MEX3D: variants seen among roughly 807,000 people sequenced by gnomAD.
The protein encoded by MEX3D is mex-3 RNA binding family member D.
A neutral mutation model predicts 6.3 loss-of-function variants in MEX3D; 4 were observed. The observed-to-expected ratio is 0.64, with a 90% CI of 0.31 to 1.46. The LOEUF (loss-of-function observed/expected upper bound fraction) is 1.46. Ranked by LOEUF, MEX3D falls within the 40% of genes most tolerant of loss-of-function variation. The pLI, the probability that MEX3D is intolerant of heterozygous loss-of-function variation, is 0.07. For synonymous variants in MEX3D, 626 were observed against 494.1 expected (o/e 1.27, Z -3.54); for missense variants, 1,038 against 994.4 (o/e 1.04, Z -0.59).
chr19:1,567,642 G>C lies in MEX3D; in HGVS notation c.417C>G (p.Pro139=). ...PNASPPPPPP[P]RPSPPDVFAG... The stretch of plus-strand genomic sequence containing the variant: ...CGAACACGTCGGGGGGCGACGGCCG[G>C]GGCGGCGGCGGCGGCGGGGGACTCG... Residue 139 remains proline (P), a synonymous_variant, in exon 1 of 2, where the codon CCC becomes CCG. Coordinates refer to ENST00000402693, the MANE Select transcript of MEX3D (RefSeq NM_203304.4). The surrounding 1 kb of genome is among the most constrained non-coding windows in gnomAD (Gnocchi z 6.5). 1.6e-6 allele frequency: 2 copies of C among 1,232,854 alleles called. No individual in the cohort carries two copies. The highest frequency in any genetic ancestry group is 3.2e-5 in the South Asian group (1 of 31,122). The allele number at this position is 1,232,854 out of a possible 1,614,324, so 76.4% of individuals were successfully genotyped here. A position where few individuals can be genotyped will look rare whatever the true frequency, so the allele number is the denominator to read the frequency against.
chr19:1,555,978 G>A lies in MEX3D; in HGVS notation c.1541C>T (p.Ser514Leu), dbSNP rs944003364. ...GCCGCCGGGCTCGGGCAGCGTGGGC[G>A]AGTGGCGGGGGGTCCCGGCCCCACT... ...RSSGAGTPRH[S>L]PTLPEPGGLR... The change falls in exon 2 of 2, where the codon TCG becomes TTG. Residue 514 changes from serine to leucine, a missense_variant. Around this residue, in one of 5 missense-constraint regions of MEX3D, gnomAD observed 581 missense variants for 516.2 expected, o/e 1.13. Coordinates refer to ENST00000402693, the MANE Select transcript of MEX3D (RefSeq NM_203304.4). 11 of 1,173,164 alleles carry A rather than the reference G, an allele frequency of 9.4e-6. No homozygotes were observed. The Admixed American group carries it at 3.4e-4, about 36-fold the overall frequency. 72.7% of individuals were successfully genotyped at this position (1,173,164 alleles called of 1,614,324 possible). A position where few individuals can be genotyped will look rare whatever the true frequency, so the allele number is the denominator to read the frequency against.
chr19:1,556,149 A>T lies in MEX3D; in HGVS notation c.1370T>A (p.Phe457Tyr), dbSNP rs1330876276. Residue 457 changes from phenylalanine to tyrosine, a missense_variant, in exon 2 of 2, where the codon TTC becomes TAC. Physicochemically the swap from Phe to Tyr is conservative, Grantham distance 22. Transcript: ENST00000402693. The surrounding 1 kb of genome is among the most constrained non-coding windows in gnomAD (Gnocchi z 7.5). ...APDDCDFGFD[F>Y]DFLALDLTVP... ...GGTCAGGTCCAGCGCCAGGAAGTCG[A>T]AGTCGAAGCCGAAGTCGCAGTCGTC... 4 of 1,475,480 alleles carry T rather than the reference A, an allele frequency of 2.7e-6. No individual in the cohort carries two copies. Among genetic ancestry groups the T allele is most frequent in the Non-Finnish European group, 3.6e-6 (4 of 1,113,902 alleles). The allele number at this position is 1,475,480 out of a possible 1,614,324, so 91.4% of individuals were successfully genotyped here.
At chr19:1,563,009 AC>A (rs1410543141) in intron 1 of MEX3D, among the ~76,000 whole-genome samples, 2 of 152,076 alleles carry the variant, frequency 1.3e-5, no homozygotes, top group Non-Finnish European at 2.9e-5. Flanking sequence ...CAAGAGCAAG[AC>A]CCTGTCTCAA....
At position 1,555,814 on chromosome 19, in the gene MEX3D, C is replaced by G; in HGVS notation, c.1705G>C (p.Ala569Pro). ...TCCAGGGGGGCGCAGGCGGCGGCCG[C>G]GGGGCTGCTGGGCAGCGAGGTGGCC... ...STATSLPSSP[A>P]AAACAPLDSG... The change falls in exon 2 of 2, where the codon GCG (alanine) becomes CCG (proline). Residue 569 changes from alanine (A) to proline (P), a missense_variant. This residue lies in a region of MEX3D where 581 missense variants were observed against 516.2 expected (regional missense o/e 1.13). Coordinates refer to ENST00000402693, the MANE Select transcript of MEX3D (RefSeq NM_203304.4). 7.3e-7 allele frequency: 1 copy of G among 1,371,584 alleles called. No individual in the cohort carries two copies. The highest frequency in any genetic ancestry group is 9.3e-7 in the Non-Finnish European group (1 of 1,071,006). 85.0% of individuals were successfully genotyped at this position (1,371,584 alleles called of 1,614,324 possible). A position where few individuals can be genotyped will look rare whatever the true frequency, so the allele number is the denominator to read the frequency against.
intron 1 of MEX3D, among the ~76,000 whole-genome samples, chr19:1,561,075 C>T (rs1030974269): frequency 3.3e-5 from 5 of 152,200 alleles, no homozygotes; most frequent in African/African-American, 1.2e-4. Flanking sequence ...GTGACCACCC[C>T]AGAGTCTGGC....
chr19:1,567,974 C>G lies in MEX3D; in HGVS notation c.85G>C (p.Gly29Arg). ...GGVGAAGEDP[G>R]PGPAPPPEGA... ...TCGGGCGGGGGCGCAGGTCCGGGTC[C>G]GGGGTCCTCCCCCGCCGCCCCCACG... The change falls in exon 1 of 2, where the codon GGA (glycine) becomes CGA (arginine). Residue 29 changes from glycine (G) to arginine (R), a missense_variant. By Grantham distance (125) the Gly-to-Arg change is moderately radical. Coordinates refer to ENST00000402693, the MANE Select transcript of MEX3D (RefSeq NM_203304.4). The surrounding 1 kb of genome is among the most constrained non-coding windows in gnomAD (Gnocchi z 6.5). The G allele has an allele frequency of 1.0e-6, 1 of 977,860 alleles. No individual in the cohort carries two copies. Among genetic ancestry groups the G allele is most frequent in the South Asian group, 4.6e-5 (1 of 21,960 alleles). 60.6% of individuals were successfully genotyped at this position (977,860 alleles called of 1,614,324 possible).
chr19:1,564,532 C>CA (rs75476631), intron 1 of MEX3D, among the ~76,000 whole-genome samples: 1,229 of 67,952 alleles, frequency 0.018, 9 homozygotes, highest in African/African-American at 0.031. Context: ...GACTCCATCC[C>CA]AAAAAAAAAA....
rs1340835842 is a variant in MEX3D at position 1,567,903 on chromosome 19, G to C, written c.156C>G (p.Pro52=). 26 of 980,952 alleles carry C rather than the reference G, an allele frequency of 2.7e-5. No homozygotes were observed. Among genetic ancestry groups the C allele is most frequent in the Non-Finnish European group, 3.1e-5 (26 of 828,574 alleles). 60.8% of individuals were successfully genotyped at this position (980,952 alleles called of 1,614,324 possible). The change falls in exon 1 of 2, where the codon CCC becomes CCG. Residue 52 remains proline (P), a synonymous_variant. Transcript: ENST00000402693. The surrounding 1 kb of genome is among the most constrained non-coding windows in gnomAD (Gnocchi z 6.5). ...AAPAPRPPPE[P]DDAAAALRLA... is the part of the protein sequence containing the mutation. ...GGCGGAGCGCGGCGGCCGCGTCGTC[G>C]GGTTCGGGCGGCGGCCGGGGCGCGG...
Position 1,556,083 on chromosome 19 carries a change from G to C in MEX3D, c.1436C>G (p.Ala479Gly). ...GCCGCTGAAGGCGGGCAAGGGGGCG[G>C]CGCGCTCAAAAGGCGCCCAGATGGT... is the stretch of plus-strand genomic sequence containing the variant. ...AATIWAPFERAAPLPAFSGCS... is the reference protein window; with the variant it reads ...AATIWAPFERGAPLPAFSGCS... The change falls in exon 2 of 2, where the codon GCC becomes GGC. Residue 479 changes from alanine (A) to glycine (G), a missense_variant. Around this residue, in one of 5 missense-constraint regions of MEX3D, gnomAD observed 581 missense variants for 516.2 expected, o/e 1.13. Coordinates refer to ENST00000402693, the MANE Select transcript of MEX3D (RefSeq NM_203304.4). This position sits in a 1 kb window ranked among gnomAD's most constrained non-coding sequence, Gnocchi z 7.5. 2 of 1,432,928 alleles carry C rather than the reference G, an allele frequency of 1.4e-6. No individual in the cohort carries two copies. The allele number at this position is 1,432,928 out of a possible 1,614,324, so 88.8% of individuals were successfully genotyped here.
chr19:1,555,396 C>T lies in MEX3D; in HGVS notation c.*167G>A, dbSNP rs779754824. On this transcript the variant is annotated 3_prime_UTR_variant, in exon 2 of 2. Transcript: ENST00000402693. ...GGGGTCTCCGTCTCCACGCCTGAGG[C>T]GGCAGTTAAAGCTCATCTGTAAACA... The T allele has an allele frequency of 7.5e-6, 12 of 1,600,492 alleles. No homozygotes were observed. In the Middle Eastern group the frequency reaches 6.8e-4, roughly 90 times the overall value.
Position 1,556,013 on chromosome 19 carries a change from G to A in MEX3D, c.1506C>T (p.Ala502=). The change falls in exon 2 of 2, where the codon GCC becomes GCT. Residue 502 remains alanine (A), a synonymous_variant. Transcript: ENST00000402693. This position sits in a 1 kb window ranked among gnomAD's most constrained non-coding sequence, Gnocchi z 7.5. ...GGGTCCCGGCCCCACTGCTGCGCCGGGCGCCGGCGGCGGGAGGTCCCGGGG... is the reference window on the plus strand; with the variant it reads ...GGGTCCCGGCCCCACTGCTGCGCCGAGCGCCGGCGGCGGGAGGTCCCGGGG... ...NGAPGPPAAG[A]RRSSGAGTPR... 1 of 1,237,592 alleles carries A rather than the reference G, an allele frequency of 8.1e-7. No homozygotes were observed. Among genetic ancestry groups the A allele is most frequent in the Non-Finnish European group, 1.0e-6 (1 of 986,256 alleles). The allele number at this position is 1,237,592 out of a possible 1,614,324, so 76.7% of individuals were successfully genotyped here. A position where few individuals can be genotyped will look rare whatever the true frequency, so the allele number is the denominator to read the frequency against.
intron 1 of MEX3D, among the ~76,000 whole-genome samples, chr19:1,557,674 C>T (rs536807187): frequency 1.0e-4 from 15 of 150,334 alleles, no homozygotes; most frequent in Non-Finnish European, 2.2e-4. Flanking sequence ...GCCTGGCCAA[C>T]ATGGTGAAAC....
rs1341339822 is a variant in MEX3D, at chr19:1,568,304, C to T, written c.-246G>A. The stretch of plus-strand genomic sequence containing the variant: ...GGCGGCGACGGCGGCGGCGGCTCCT[C>T]GGCGGCCGAGGCGGCGGCGGCGGCG... On this transcript the variant is annotated 5_prime_UTR_variant, in exon 1 of 2. Coordinates refer to ENST00000402693, the MANE Select transcript of MEX3D (RefSeq NM_203304.4). 7.2e-6 allele frequency among the ~76,000 whole-genome samples: 1 copy of T among 139,790 alleles called. No individual in the cohort carries two copies. The highest frequency in any genetic ancestry group is 2.2e-4 in the East Asian group (1 of 4,450). 91.7% of individuals were successfully genotyped at this position (139,790 alleles called of 152,430 possible). A position where few individuals can be genotyped will look rare whatever the true frequency, so the allele number is the denominator to read the frequency against.
Position 1,556,447 on chromosome 19 carries a change from C to T in MEX3D, c.1072G>A (p.Gly358Ser). The change falls in exon 2 of 2, where the codon GGC (glycine) becomes AGC (serine). Residue 358 changes from glycine (G) to serine (S), a missense_variant. Physicochemically the swap from Gly to Ser is moderately conservative, Grantham distance 56. Coordinates refer to ENST00000402693, the MANE Select transcript of MEX3D (RefSeq NM_203304.4). The surrounding 1 kb of genome is among the most constrained non-coding windows in gnomAD (Gnocchi z 7.5). ...AGPDSDFHANGTDVCLDLLGA... is the reference protein window; with the variant it reads ...AGPDSDFHANSTDVCLDLLGA... ...AGCAGGTCCAGGCAGACGTCGGTGCCGTTGGCGTGGAAGTCGCTGTCGGGG... is the reference window on the plus strand; with the variant it reads ...AGCAGGTCCAGGCAGACGTCGGTGCTGTTGGCGTGGAAGTCGCTGTCGGGG... 6.3e-7 allele frequency: 1 copy of T among 1,597,886 alleles called. No individual in the cohort carries two copies. Among genetic ancestry groups the T allele is most frequent in the Non-Finnish European group, 8.5e-7 (1 of 1,177,542 alleles).
Position 1,567,466 on chromosome 19 carries a change from T to G in MEX3D, c.593A>C (p.Gln198Pro). ...AACCCCCGACGAGGGCCACTCACCC[T>G]GGCGACCCACGATCTCGGCGACGTG... is the stretch of plus-strand genomic sequence containing the variant. ...SEHVAEIVGRQGCKIKALRAK... is the reference protein window; with the variant it reads ...SEHVAEIVGRPGCKIKALRAK... The change falls in exon 1 of 2, where the codon CAG becomes CCG. Residue 198 changes from glutamine to proline, a missense_variant and splice_region_variant. This residue lies in a region of MEX3D where 75 missense variants were observed against 125.1 expected (regional missense o/e 0.60). Transcript: ENST00000402693. The surrounding 1 kb of genome is among the most constrained non-coding windows in gnomAD (Gnocchi z 6.5). 6.4e-7 allele frequency: 1 copy of G among 1,566,620 alleles called. No homozygotes were observed. Among genetic ancestry groups the G allele is most frequent in the Non-Finnish European group, 8.6e-7 (1 of 1,157,686 alleles).
chr19:1,566,935 G>A (rs573091010), intron 1 of MEX3D, among the ~76,000 whole-genome samples: 1 of 152,268 alleles, frequency 6.6e-6, no homozygotes, highest in Non-Finnish European at 1.5e-5. Flanking sequence ...GAGTGGAGCA[G>A]GGACCCTCTC....
In MEX3D at chr19:1,567,424, G is replaced by A. The variant is rs1363985416; in HGVS notation, c.595+40C>T. 4.6e-6 allele frequency: 7 copies of A among 1,533,778 alleles called. No individual in the cohort carries two copies. The African/African-American group carries it at 7.2e-5, about 16-fold the overall frequency. ...CCCCTTCCCCGGGGCGGACGGTGCGGGGACCCCCAGGACAGCAACCCCCGA... is the reference window on the plus strand; with the variant it reads ...CCCCTTCCCCGGGGCGGACGGTGCGAGGACCCCCAGGACAGCAACCCCCGA... On this transcript the variant is annotated intron_variant, in intron 1 of 1. Transcript: ENST00000402693. This position sits in a 1 kb window ranked among gnomAD's most constrained non-coding sequence, Gnocchi z 6.5.
Position 1,555,947 on chromosome 19 carries a change from G to A in MEX3D, c.1572C>T (p.Arg524=), listed in dbSNP as rs1185011596. 1.7e-6 allele frequency: 2 copies of A among 1,175,402 alleles called. No individual in the cohort carries two copies. Among genetic ancestry groups the A allele is most frequent in the Non-Finnish European group, 2.1e-6 (2 of 952,124 alleles). The allele number at this position is 1,175,402 out of a possible 1,614,324, so 72.8% of individuals were successfully genotyped here. ...CACGGCGAGACAGCGGGAGCTCCAGGCGGAGGCCGCCGGGCTCGGGCAGCG... is the reference window on the plus strand; with the variant it reads ...CACGGCGAGACAGCGGGAGCTCCAGACGGAGGCCGCCGGGCTCGGGCAGCG... ...SPTLPEPGGL[R]LELPLSRRGA... Residue 524 remains arginine (R), a synonymous_variant, in exon 2 of 2, where the codon CGC becomes CGT. Coordinates refer to ENST00000402693, the MANE Select transcript of MEX3D (RefSeq NM_203304.4).
intron 1 of MEX3D, among the ~76,000 whole-genome samples, chr19:1,558,749 C>G (rs1459166055): frequency 6.6e-6 from 1 of 152,224 alleles, no homozygotes; most frequent in Admixed American, 6.5e-5. Context: ...CTCGGCCCGA[C>G]TGCAGACGCC....
Sources: allele counts gnomAD v4.1 joint callset (sites outside exome capture counted in the v4.1 genomes callset), GRCh38; gene constraint gnomAD v4.1.1; regional missense constraint gnomAD v4.1.1; non-coding constraint Gnocchi (gnomAD v3.1); transcripts MANE v1.5; gene names NCBI Gene and HGNC (gene_info 2026-07-23, HGNC 2026-07-21).